The following ABHD3 variants were observed in gnomAD, a reference collection of about 807,000 sequenced individuals.
ABHD3 encodes the protein abhydrolase domain containing 3, phospholipase, also known as phospholipase ABHD3.
ABHD3 carries 46 observed loss-of-function variants against 48.8 expected under a neutral mutation model. That is an observed-to-expected ratio of 0.94 (90% CI 0.74 to 1.20). The LOEUF (loss-of-function observed/expected upper bound fraction) is 1.20. ABHD3 is among the 50% of genes most tolerant of loss of function. The pLI is 0.00. For missense variants in ABHD3, 490 were observed against 497.8 expected (o/e 0.98, Z 0.15); for synonymous variants, 192 against 183.7 (o/e 1.04, Z -0.36).
intron 4 of ABHD3, among the ~76,000 whole-genome samples, chr18:21,675,425 C>A (rs182664121): frequency 3.3e-5 from 5 of 151,850 alleles, no homozygotes; most frequent in Non-Finnish European, 7.4e-5. Flanking sequence ...CCTGTTGCCA[C>A]GCCCAGCTAA....
At chr18:21,670,422 A>C (rs565792493) in intron 4 of ABHD3, among the ~76,000 whole-genome samples, 2 of 152,174 alleles carry the variant, frequency 1.3e-5, no homozygotes, top group Non-Finnish European at 2.9e-5. Flanking sequence ...TATCAGATTA[A>C]TCTTCCTAAT....
intron 3 of ABHD3, among the ~76,000 whole-genome samples, chr18:21,684,490 T>C (rs148224910): frequency 1.3e-5 from 2 of 151,730 alleles, no homozygotes; most frequent in Non-Finnish European, 2.9e-5. Flanking sequence ...GGCTAATTTT[T>C]TTTTGTATTT....
chr18:21,664,118 C>A lies in ABHD3; in HGVS notation c.668G>T (p.Gly223Val), dbSNP rs754555865. 1.9e-6 allele frequency: 3 copies of A among 1,606,042 alleles called. No individual in the cohort carries two copies. Among genetic ancestry groups the A allele is most frequent in the East Asian group, 2.2e-5 (1 of 44,826 alleles). ...TTATTTTAGAAAGGGAAAACCTTAC[C>A]CTCCCATTGAAACCCCTGCTGCCAG... ...PFLAAGVSMG[G>V]MLLLNYLGKI... is the part of the protein sequence containing the mutation. The change falls in exon 5 of 9, where the codon GGA becomes GTA. Residue 223 changes from glycine (G) to valine (V), a missense_variant and splice_region_variant. Physicochemically the swap from Gly to Val is moderately radical, Grantham distance 109. Coordinates refer to ENST00000289119, the MANE Select transcript of ABHD3 (RefSeq NM_138340.5).
intron 4 of ABHD3, among the ~76,000 whole-genome samples, chr18:21,677,847 C>G (rs2039921258): frequency 6.6e-6 from 1 of 151,862 alleles, no homozygotes; most frequent in Non-Finnish European, 1.5e-5. Context: ...CCACGCCTGG[C>G]TAATTTTTTT....
Position 21,651,421 on chromosome 18 carries a change from TGC to T in ABHD3, c.*168_*169del. On this transcript the variant is annotated 3_prime_UTR_variant, in exon 9 of 9. Coordinates refer to ENST00000289119, the MANE Select transcript of ABHD3 (RefSeq NM_138340.5). ...CAATCTAATACTATATTTAATTTGT[TGC>T]TACAAAGTTGTTTTGTTTCTCTAAA... is the stretch of plus-strand genomic sequence containing the variant. 1.6e-6 allele frequency: 1 copy of T among 607,008 alleles called. No homozygotes were observed. Among genetic ancestry groups the T allele is most frequent in the Non-Finnish European group, 2.7e-6 (1 of 373,986 alleles). The allele number at this position is 607,008 out of a possible 1,614,324, so 37.6% of individuals were successfully genotyped here. A position where few individuals can be genotyped will look rare whatever the true frequency, so the allele number is the denominator to read the frequency against.
rs763541558 is a variant in ABHD3 at position 21,702,364 on chromosome 18, T to A, written c.461A>T (p.Glu154Val). 1 of 1,613,854 alleles carries A rather than the reference T, an allele frequency of 6.2e-7. No individual in the cohort carries two copies. The highest frequency in any genetic ancestry group is 2.2e-5 in the East Asian group (1 of 44,862). Residue 154 changes from glutamate (E) to valine (V), a missense_variant, in exon 3 of 9, where the codon GAG becomes GTG. By Grantham distance (121) the Glu-to-Val change is moderately radical. Coordinates refer to ENST00000289119, the MANE Select transcript of ABHD3 (RefSeq NM_138340.5). ...LLPGLTGTSK[E>V]SYILHMIHLS... is the part of the protein sequence containing the mutation. The stretch of plus-strand genomic sequence containing the variant: ...ATGGATCATATGAAGGATATATGAC[T>A]CCTTGCTTGTTCCCGTGAGGCCAGG...
At chr18:21,666,898 C>T (rs752720239) in intron 4 of ABHD3, among the ~76,000 whole-genome samples, 6 of 151,462 alleles carry the variant, frequency 4.0e-5, no homozygotes, top group East Asian at 1.9e-4. Flanking sequence ...AGTATATGTG[C>T]GAAAAAATAA....
At chr18:21,703,534 CA>C in intron 2 of ABHD3, 49 bp downstream of exon 2, 1 of 1,578,668 alleles carries the variant, frequency 6.3e-7, no homozygotes, top group South Asian at 1.1e-5. Flanking sequence ...AGCAAGCAAA[CA>C]AACAACCTGT....
chr18:21,667,337 C>G (rs2039657736), intron 4 of ABHD3, among the ~76,000 whole-genome samples: 1 of 149,100 alleles, frequency 6.7e-6, no homozygotes, highest in African/African-American at 2.5e-5. Flanking sequence ...CTCCGCCTCC[C>G]AGGTTCAAAC....
At chr18:21,688,245 G>T (rs2146323930) in intron 3 of ABHD3, among the ~76,000 whole-genome samples, 1 of 152,294 alleles carries the variant, frequency 6.6e-6, no homozygotes, top group African/African-American at 2.4e-5. Flanking sequence ...TTCCAAATCT[G>T]TAATTTTATC....
intron 4 of ABHD3, among the ~76,000 whole-genome samples, chr18:21,681,954 T>C (rs1424438499): frequency 6.6e-6 from 1 of 151,914 alleles, no homozygotes; most frequent in Non-Finnish European, 1.5e-5. Context: ...TGAGACCCCA[T>C]CTCTACAAAA....
intron 4 of ABHD3, among the ~76,000 whole-genome samples, chr18:21,670,497 C>A (rs1281423652): frequency 6.6e-6 from 1 of 152,158 alleles, no homozygotes; most frequent in Admixed American, 6.5e-5. Flanking sequence ...TTTTCACTGC[C>A]TACTGAATTA....
intron 2 of ABHD3, among the ~76,000 whole-genome samples, chr18:21,703,249 TGA>T (rs1158336356): frequency 9.2e-6 from 1 of 108,552 alleles, no homozygotes. Flanking sequence ...TACTTATCAA[TGA>T]ATGAATGCAG....
At chr18:21,688,071 G>T (rs1202518450) in intron 3 of ABHD3, among the ~76,000 whole-genome samples, 1 of 152,212 alleles carries the variant, frequency 6.6e-6, no homozygotes, top group Non-Finnish European at 1.5e-5. Context: ...AACCCTGGAA[G>T]TCAAGGTTGC....
intron 3 of ABHD3, among the ~76,000 whole-genome samples, chr18:21,695,923 T>C (rs1396439478): frequency 6.6e-6 from 1 of 152,192 alleles, no homozygotes; most frequent in Non-Finnish European, 1.5e-5. Context: ...AAAATACTTA[T>C]GACTGACCTA....
chr18:21,667,863 CA>C (rs2039670546), intron 4 of ABHD3, among the ~76,000 whole-genome samples: 2 of 152,110 alleles, frequency 1.3e-5, no homozygotes, highest in East Asian at 3.9e-4. Context: ...ACGTCAATCA[CA>C]AGGGGCGGGG....
chr18:21,653,269 G>A (rs533110266), intron 8 of ABHD3, among the ~76,000 whole-genome samples: 1 of 151,842 alleles, frequency 6.6e-6, no homozygotes, highest in South Asian at 2.1e-4. Context: ...GGCCAAGGCT[G>A]CAGTGAACTA....
intron 3 of ABHD3, among the ~76,000 whole-genome samples, chr18:21,692,628 A>G (rs1197315393): frequency 6.6e-6 from 1 of 152,216 alleles, no homozygotes; most frequent in Non-Finnish European, 1.5e-5. Context: ...GGTGTCTTTA[A>G]CGTGAGGAAG....
intron 5 of ABHD3, among the ~76,000 whole-genome samples, chr18:21,662,899 C>G (rs1054803833): frequency 6.6e-6 from 1 of 152,132 alleles, no homozygotes; most frequent in Non-Finnish European, 1.5e-5. Context: ...AAAAGCCATG[C>G]GTTTATATGA....
Sources: allele counts gnomAD v4.1 joint callset (sites outside exome capture counted in the v4.1 genomes callset), GRCh38; gene constraint gnomAD v4.1.1; transcripts MANE v1.5; gene names NCBI Gene and HGNC (gene_info 2026-07-23, HGNC 2026-07-21).